The following SESTD1 variants were observed in gnomAD, a reference collection of about 807,000 sequenced individuals.
SESTD1 encodes the protein SEC14 domain and spectrin repeat-containing protein 1.
Under a neutral mutation model 101.7 loss-of-function variants are expected in SESTD1, and 43 were observed. The ratio of observed to expected loss-of-function variants is 0.42; its 90% CI spans 0.33 to 0.55. SESTD1 has a LOEUF of 0.55. SESTD1 is among the 20% of genes least tolerant of loss of function. The pLI is 0.07. For synonymous variants in SESTD1, 283 were observed against 286.8 expected (o/e 0.99, Z 0.13); for missense variants, 647 against 815.1 (o/e 0.79, Z 2.51).
intron 1 of SESTD1, among the ~76,000 whole-genome samples, chr2:179,242,223 A>T (rs2047164403): frequency 6.6e-6 from 1 of 152,042 alleles, no homozygotes; most frequent in Non-Finnish European, 1.5e-5. Flanking sequence ...TACAATAGCC[A>T]CACACACACA....
intron 1 of SESTD1, among the ~76,000 whole-genome samples, chr2:179,224,898 T>C (rs780399421): frequency 5.1e-4 from 77 of 152,210 alleles, no homozygotes; most frequent in Non-Finnish European, 8.1e-4. Flanking sequence ...TGTTTTGTAA[T>C]ATCCTCTGTA....
intron 3 of SESTD1, among the ~76,000 whole-genome samples, chr2:179,180,707 G>T (rs558863733): frequency 2.0e-5 from 3 of 152,202 alleles, no homozygotes; most frequent in South Asian, 2.1e-4. Context: ...ATAAAATGTT[G>T]GGGGGTTACG....
intron 1 of SESTD1, among the ~76,000 whole-genome samples, chr2:179,192,227 TA>T (rs946080239): frequency 2.6e-5 from 4 of 152,190 alleles, no homozygotes; most frequent in African/African-American, 9.6e-5. Flanking sequence ...TACTAGTAAC[TA>T]AAAAATTAAT....
intron 4 of SESTD1, among the ~76,000 whole-genome samples, chr2:179,172,615 C>T (rs2045946349): frequency 6.6e-6 from 1 of 152,054 alleles, no homozygotes; most frequent in African/African-American, 2.4e-5. Flanking sequence ...TGGAGAATTT[C>T]TTCAAAAGAC....
At position 179,109,550 on chromosome 2, in the gene SESTD1, T is replaced by C. The variant is rs2154393568; in HGVS notation, c.*349A>G. 2 of 396,006 alleles carry C rather than the reference T, an allele frequency of 5.1e-6. No homozygotes were observed. The highest frequency in any genetic ancestry group is 8.9e-6 in the Non-Finnish European group (2 of 224,430). The allele number at this position is 396,006 out of a possible 1,614,324, so 24.5% of individuals were successfully genotyped here. On this transcript the variant is annotated 3_prime_UTR_variant, in exon 18 of 18. Transcript: ENST00000428443. ...TCACCTGTGGAGGAAGGGCAACTTT[T>C]TTTTTTCTTTTTAATAGAGAGAATT...
intron 1 of SESTD1, among the ~76,000 whole-genome samples, chr2:179,263,180 A>G (rs940707451): frequency 6.6e-6 from 1 of 152,158 alleles, no homozygotes; most frequent in Non-Finnish European, 1.5e-5. Flanking sequence ...GAATTTTTTC[A>G]CGTATTTAGT....
chr2:179,231,530 T>A (rs2046987759), intron 1 of SESTD1, among the ~76,000 whole-genome samples: 1 of 149,000 alleles, frequency 6.7e-6, no homozygotes, highest in Non-Finnish European at 1.5e-5. Flanking sequence ...AAAAAGAAAT[T>A]TAAAGATGAA....
intron 1 of SESTD1, among the ~76,000 whole-genome samples, chr2:179,237,010 T>C (rs967105310): frequency 5.3e-5 from 8 of 152,208 alleles, no homozygotes; most frequent in Admixed American, 5.2e-4. Context: ...TTAATCGTAT[T>C]TTCTTGATCT....
At chr2:179,178,607 A>C (rs1205219317) in intron 3 of SESTD1, among the ~76,000 whole-genome samples, 1 of 152,202 alleles carries the variant, frequency 6.6e-6, no homozygotes, top group Non-Finnish European at 1.5e-5. Context: ...GAGAGGATAC[A>C]AGCCCAAGAG....
chr2:179,255,236 A>C (rs538749129), intron 1 of SESTD1, among the ~76,000 whole-genome samples: 1 of 152,340 alleles, frequency 6.6e-6, no homozygotes, highest in East Asian at 1.9e-4. Context: ...TCTCACTTTA[A>C]ATGAAAAGCT....
chr2:179,159,823 C>T (rs914965754), intron 5 of SESTD1, among the ~76,000 whole-genome samples: 3 of 151,098 alleles, frequency 2.0e-5, no homozygotes, highest in East Asian at 1.9e-4. Context: ...TTCTATGACC[C>T]GGCAAAGAAG....
rs530902078 is a variant in SESTD1 at position 179,201,461 on chromosome 2, G to C, written c.-25-9595C>G. ...GGACTATAAATCATGCTGCTATAAA[G>C]ACACATGCACACGTATGTTTATTGT... On this transcript the variant is annotated intron_variant, in intron 1 of 17. Transcript: ENST00000428443. 1.0e-3 allele frequency among the ~76,000 whole-genome samples: 137 copies of C among 132,100 alleles called. 30 individuals are homozygous for C. The highest frequency in any genetic ancestry group is 4.1e-3 in the African/African-American group (134 of 32,538). 86.7% of individuals were successfully genotyped at this position (132,100 alleles called of 152,430 possible).
chr2:179,224,260 C>T (rs2046852157), intron 1 of SESTD1, among the ~76,000 whole-genome samples: 1 of 152,268 alleles, frequency 6.6e-6, no homozygotes, highest in East Asian at 1.9e-4. Context: ...TGCATTGTTT[C>T]ATTTATAACT....
rs978344601 is a variant in SESTD1, at chr2:179,264,611, G to C, written c.-138C>G. 2 of 152,410 alleles carry C rather than the reference G, an allele frequency of 1.3e-5. No individual in the cohort carries two copies. Among genetic ancestry groups the C allele is most frequent in the Non-Finnish European group, 2.9e-5 (2 of 68,974 alleles). 9.4% of individuals were successfully genotyped at this position (152,410 alleles called of 1,614,324 possible). A position where few individuals can be genotyped will look rare whatever the true frequency, so the allele number is the denominator to read the frequency against. ...GCGCGGCGGGAGGAAGGCGGGCTGG[G>C]GGCGGAGCGGGCCCGGGCGGCGGCG... On this transcript the variant is annotated 5_prime_UTR_variant, in exon 1 of 18. Transcript: ENST00000428443.
chr2:179,130,524 G>A (rs1256517684), intron 10 of SESTD1, among the ~76,000 whole-genome samples: 2 of 151,726 alleles, frequency 1.3e-5, no homozygotes, highest in South Asian at 2.1e-4. Context: ...CATACTATAC[G>A]CAATATGAAA....
At chr2:179,143,020 TA>T (rs2045313440) in intron 9 of SESTD1, among the ~76,000 whole-genome samples, 1 of 152,166 alleles carries the variant, frequency 6.6e-6, no homozygotes, top group South Asian at 2.1e-4. Context: ...TTTTCTTAAT[TA>T]TTCAACATAA....
At chr2:179,189,267 C>T (rs996448661) in intron 2 of SESTD1, among the ~76,000 whole-genome samples, 4 of 152,124 alleles carry the variant, frequency 2.6e-5, no homozygotes, top group African/African-American at 9.7e-5. Context: ...AAGATCAGTT[C>T]AACATGCACA....
At position 179,232,574 on chromosome 2, in the gene SESTD1, G is replaced by A. The variant is rs530578305; in HGVS notation, c.-26+31925C>T. On this transcript the variant is annotated intron_variant, in intron 1 of 17. Transcript: ENST00000428443. ...TATTACAAAGATTATTTATTGCAGTGTCATTTATAATTGGAAAATACAATC... is the reference window on the plus strand; with the variant it reads ...TATTACAAAGATTATTTATTGCAGTATCATTTATAATTGGAAAATACAATC... Among the ~76,000 whole-genome samples the A allele has an allele frequency of 6.6e-4, 101 of 152,212 alleles. 1 individual carries two copies. The highest frequency in any genetic ancestry group is 3.2e-3 in the Admixed American group (49 of 15,290).
chr2:179,180,973 A>C (rs1200887452), intron 3 of SESTD1, among the ~76,000 whole-genome samples: 1 of 152,186 alleles, frequency 6.6e-6, no homozygotes, highest in Non-Finnish European at 1.5e-5. Context: ...CAAAACAATC[A>C]TAAGAAATAA....
Sources: gnomAD v4.1 joint callset for allele counts (sites outside exome capture counted in the v4.1 genomes callset) on GRCh38, gnomAD v4.1.1 for gene constraint, MANE v1.5 for transcripts, NCBI Gene and HGNC (gene_info 2026-07-23, HGNC 2026-07-21) for gene names.